Variants in GSKIP observed in about 807,000 individuals in gnomAD.
GSKIP encodes the protein GSK3B-interacting protein.
A neutral mutation model predicts 11.9 loss-of-function variants in GSKIP; 5 were observed. The observed-to-expected ratio is 0.42, with a 90% CI of 0.22 to 0.89. GSKIP has a LOEUF of 0.89. Ranked by LOEUF, GSKIP falls within the 40% of genes least tolerant of loss-of-function variation. GSKIP has a pLI of 0.29. For synonymous variants in GSKIP, 70 were observed against 62.9 expected, an observed-to-expected ratio of 1.11 and a Z score of -0.54; for missense variants, 150 against 166.6, an observed-to-expected ratio of 0.90 and a Z score of 0.55.
intron 1 of GSKIP, among the ~76,000 whole-genome samples, chr14:96,372,655 G>C (rs138886937): frequency 3.9e-5 from 6 of 152,302 alleles, no homozygotes; most frequent in African/African-American, 1.4e-4. Flanking sequence ...TCCCTGAGAA[G>C]CATCATACAA....
chr14:96,380,790 A>C (rs922102390), intron 2 of GSKIP, among the ~76,000 whole-genome samples: 13 of 152,216 alleles, frequency 8.5e-5, no homozygotes, highest in African/African-American at 2.9e-4. Flanking sequence ...TGAGCTCAGG[A>C]GTTCTAGGCT....
At chr14:96,384,921 CTAA>C (rs1199603596) in intron 3 of GSKIP, 1 of 151,726 alleles carries the variant, frequency 6.6e-6, no homozygotes, top group Non-Finnish European at 1.5e-5. Flanking sequence ...TTTCAGATTA[CTAA>C]TAATAAAGCT....
rs1566745866 is a variant in GSKIP at position 96,382,519 on chromosome 14, C to T, written c.258+14C>T. Reference sequence around the variant, plus strand: ...GCAGGGCTCAAGGTAACTCACTTTTCCTTTTAGAAAAAAAAATTATTTATG... The same window carrying T: ...GCAGGGCTCAAGGTAACTCACTTTTTCTTTTAGAAAAAAAAATTATTTATG... On this transcript the variant is annotated intron_variant, in intron 3 of 3. Coordinates refer to ENST00000555181, the MANE Select transcript of GSKIP (RefSeq NM_016472.5). The T allele has an allele frequency of 6.4e-7, 1 of 1,574,336 alleles. No homozygotes were observed. The highest frequency in any genetic ancestry group is 8.6e-7 in the Non-Finnish European group (1 of 1,160,026).
chr14:96,365,958 G>C (rs544002159), intron 1 of GSKIP, among the ~76,000 whole-genome samples: 1 of 152,076 alleles, frequency 6.6e-6, no homozygotes, highest in Non-Finnish European at 1.5e-5. Flanking sequence ...TGGTGTGGAA[G>C]TGGGAGGGCC....
rs1281857776 is a variant in GSKIP, at chr14:96,382,397, C to T, written c.150C>T (p.Asn50=). The change falls in exon 3 of 4, where the codon AAC becomes AAT. Residue 50 remains asparagine, a synonymous_variant. Transcript: ENST00000555181. ...ATGATGTTCTCTTTGCTGTTAACAA[C>T]ATGTTTGTCTCGAAAAGCCTGCGGT... is the stretch of plus-strand genomic sequence containing the variant. The part of the protein sequence containing the change: ...VVNDVLFAVN[N]MFVSKSLRCA... The T allele has an allele frequency of 6.2e-7, 1 of 1,613,812 alleles. No homozygotes were observed. The highest frequency in any genetic ancestry group is 2.2e-5 in the East Asian group (1 of 44,878).
intron 1 of GSKIP, among the ~76,000 whole-genome samples, chr14:96,367,308 G>A (rs1888913664): frequency 6.6e-6 from 1 of 152,202 alleles, no homozygotes; most frequent in South Asian, 2.1e-4. Context: ...AAATTAAGTG[G>A]CCAAGCTAAA....
At chr14:96,382,569 G>T (rs1476422123) in intron 3 of GSKIP, 64 bp downstream of exon 3, 2 of 1,237,320 alleles carry the variant, frequency 1.6e-6, no homozygotes, top group Non-Finnish European at 2.3e-6. Context: ...TCAAAAAGAG[G>T]GGTAGTGGGG....
chr14:96,379,609 T>G (rs1220343299), intron 1 of GSKIP, 79 bp from the exon 2 acceptor site: 2 of 152,202 alleles, frequency 1.3e-5, no homozygotes, highest in African/African-American at 4.8e-5. Context: ...AGTTCTAAAT[T>G]GTATGTTATT....
chr14:96,382,533 A>G, intron 3 of GSKIP, 28 bp downstream of exon 3: 1 of 1,560,318 alleles, frequency 6.4e-7, no homozygotes. Context: ...TTAGAAAAAA[A>G]AATTATTTAT....
At chr14:96,383,589 GCAAGTAAGAATGTCACATGATAT>G (rs1329690537) in intron 3 of GSKIP, among the ~76,000 whole-genome samples, 1 of 152,164 alleles carries the variant, frequency 6.6e-6, no homozygotes, top group African/African-American at 2.4e-5. Flanking sequence ...GCCTGCCTAA[GCAAGTAAGAATGTCACATGATAT>G]CAAGTACATA....
intron 1 of GSKIP, among the ~76,000 whole-genome samples, chr14:96,374,329 T>C (rs1889138693): frequency 1.3e-5 from 2 of 151,956 alleles, no homozygotes; most frequent in African/African-American, 4.8e-5. Context: ...CCAAAGAGGA[T>C]AGGGACACAT....
At chr14:96,369,590 T>C (rs1888989016) in intron 1 of GSKIP, among the ~76,000 whole-genome samples, 1 of 152,180 alleles carries the variant, frequency 6.6e-6, no homozygotes, top group Non-Finnish European at 1.5e-5. Flanking sequence ...CCAGTTCTGT[T>C]TCAAAGGGCT....
intron 1 of GSKIP, among the ~76,000 whole-genome samples, chr14:96,374,737 C>G (rs931987475): frequency 6.6e-6 from 1 of 152,030 alleles, no homozygotes; most frequent in African/African-American, 2.4e-5. Context: ...AAACATCTTT[C>G]ACAAATGAAG....
intron 1 of GSKIP, among the ~76,000 whole-genome samples, chr14:96,375,422 A>G (rs1405217036): frequency 6.9e-6 from 1 of 144,758 alleles, no homozygotes; most frequent in Non-Finnish European, 1.5e-5. Flanking sequence ...AAAGAAATTT[A>G]TTTCTTTTTC....
At position 96,384,995 on chromosome 14, in the gene GSKIP, A is replaced by G. The variant is rs573541579; in HGVS notation, c.259-528A>G. Among the ~76,000 whole-genome samples the G allele has an allele frequency of 1.1e-4, 16 of 151,086 alleles. No individual in the cohort carries two copies. The East Asian group carries it at 2.1e-3, about 20-fold the overall frequency. On this transcript the variant is annotated intron_variant, in intron 3 of 3. Transcript: ENST00000555181. ...TTATTAATAAACAATTATTAAAATTAACAACTAATTATTAAAACTAAATTA... is the reference window on the plus strand; with the variant it reads ...TTATTAATAAACAATTATTAAAATTGACAACTAATTATTAAAACTAAATTA...
intron 1 of GSKIP, among the ~76,000 whole-genome samples, chr14:96,367,430 A>C (rs1459901497): frequency 3.3e-5 from 5 of 152,174 alleles, no homozygotes; most frequent in Admixed American, 3.3e-4. Flanking sequence ...AAATAAAGGT[A>C]ATCATGATTA....
In GSKIP at chr14:96,387,223, T is replaced by TG. The variant is rs1889514794; in HGVS notation, c.*1540dup. The TG allele has an allele frequency of 6.6e-6, 1 of 152,220 alleles. No homozygotes were observed. The highest frequency in any genetic ancestry group is 1.5e-5 in the Non-Finnish European group (1 of 68,032). 9.4% of individuals were successfully genotyped at this position (152,220 alleles called of 1,614,324 possible). On this transcript the variant is annotated 3_prime_UTR_variant, in exon 4 of 4. Transcript: ENST00000555181. ...TCTGTTTACTCATTTTGAGTTAGTATGAAAAAAAGTGATTGTATGTTTAAG... is the reference window on the plus strand; with the variant it reads ...TCTGTTTACTCATTTTGAGTTAGTATGGAAAAAAAGTGATTGTATGTTTAAG...
chr14:96,379,479 G>A (rs1889289676), intron 1 of GSKIP, among the ~76,000 whole-genome samples: 1 of 152,082 alleles, frequency 6.6e-6, no homozygotes, highest in East Asian at 1.9e-4. Flanking sequence ...AAGGATATTG[G>A]TAAATAATCA....
intron 2 of GSKIP, 58 bp from the exon 3 acceptor site, chr14:96,382,189 G>A: frequency 8.4e-7 from 1 of 1,190,238 alleles, no homozygotes; most frequent in Non-Finnish European, 1.2e-6. Flanking sequence ...ATCAAATGTA[G>A]TAGTTTGAAT....
Sources: allele counts gnomAD v4.1 joint callset (sites outside exome capture counted in the v4.1 genomes callset), GRCh38; gene constraint gnomAD v4.1.1; transcripts MANE v1.5; gene names NCBI Gene and HGNC (gene_info 2026-07-23, HGNC 2026-07-21).